BTAF1: variants seen among roughly 807,000 people sequenced by gnomAD.
BTAF1 encodes the protein TATA-binding protein-associated factor 172.
In BTAF1, 38 loss-of-function variants were observed where a neutral mutation model predicts 227.1. That is an observed-to-expected ratio of 0.17 (90% confidence interval 0.13 to 0.22). The LOEUF (loss-of-function observed/expected upper bound fraction) is 0.22. BTAF1 is among the 10% of genes least tolerant of loss of function. The pLI is 1.00. For synonymous variants in BTAF1, 742 were observed against 751.9 expected, an observed-to-expected ratio of 0.99 and a Z score of 0.21; for missense variants, 1,598 against 2,204.0, an observed-to-expected ratio of 0.73 and a Z score of 5.51.
In BTAF1 at chr10:92,024,925, A is replaced by G. The variant is rs1250914895; in HGVS notation, c.5033A>G (p.Asp1678Gly). 1 of 1,614,014 alleles carries G rather than the reference A, an allele frequency of 6.2e-7. No homozygotes were observed. Among genetic ancestry groups the G allele is most frequent in the African/African-American group, 1.3e-5 (1 of 74,990 alleles). Residue 1678 changes from aspartate to glycine, a missense_variant, in exon 35 of 38, where the codon GAT becomes GGT. Coordinates refer to ENST00000265990, the MANE Select transcript of BTAF1 (RefSeq NM_003972.3). ...CCCTCTGTCACTTATTTGAGATTAGATGGCAGCATACCTCCTGGTCAGAGG... is the reference window on the plus strand; with the variant it reads ...CCCTCTGTCACTTATTTGAGATTAGGTGGCAGCATACCTCCTGGTCAGAGG... ...HLPSVTYLRL[D>G]GSIPPGQRHS...
intron 1 of BTAF1, among the ~76,000 whole-genome samples, chr10:91,930,691 T>C (rs1285576306): frequency 9.2e-5 from 14 of 152,240 alleles, no homozygotes; most frequent in Admixed American, 9.2e-4. Context: ...TGTACTAAGT[T>C]CCACGTATTA....
chr10:91,946,350 ACT>A (rs1845364203), intron 4 of BTAF1, among the ~76,000 whole-genome samples: 1 of 152,120 alleles, frequency 6.6e-6, no homozygotes, highest in Non-Finnish European at 1.5e-5. Context: ...CAAGAGTGAA[ACT>A]CTGTCTAAAA....
At chr10:91,994,926 A>G (rs1388682678) in intron 23 of BTAF1, among the ~76,000 whole-genome samples, 1 of 152,192 alleles carries the variant, frequency 6.6e-6, no homozygotes, top group Non-Finnish European at 1.5e-5. Context: ...TAAATAGGAA[A>G]GAAAACTGCA....
intron 33 of BTAF1, among the ~76,000 whole-genome samples, chr10:92,017,828 TC>T (rs958352172): frequency 6.6e-6 from 1 of 152,136 alleles, no homozygotes; most frequent in African/African-American, 2.4e-5. Flanking sequence ...CAAGTTTTAA[TC>T]CTAGTGCTCA....
intron 32 of BTAF1, among the ~76,000 whole-genome samples, chr10:92,015,790 TC>T (rs1850677792): frequency 6.6e-6 from 1 of 152,172 alleles, no homozygotes; most frequent in Admixed American, 6.5e-5. Flanking sequence ...CTCTAGATTT[TC>T]TTTTCTTTCA....
intron 11 of BTAF1, among the ~76,000 whole-genome samples, chr10:91,962,024 C>T (rs1020591101): frequency 6.6e-5 from 10 of 151,924 alleles, no homozygotes; most frequent in Non-Finnish European, 1.3e-4. Context: ...GTACTTGATG[C>T]CCTTGTCTTT....
At chr10:92,006,956 C>T (rs1849937256) in intron 25 of BTAF1, among the ~76,000 whole-genome samples, 1 of 151,854 alleles carries the variant, frequency 6.6e-6, no homozygotes, top group Non-Finnish European at 1.5e-5. Context: ...ACAGAACATA[C>T]AGTTAGTACA....
In BTAF1 at chr10:92,016,472, A is replaced by G; in HGVS notation, c.4710+7A>G. 1.3e-6 allele frequency: 2 copies of G among 1,542,348 alleles called. No homozygotes were observed. Among genetic ancestry groups the G allele is most frequent in the Non-Finnish European group, 1.7e-6 (2 of 1,153,632 alleles). On this transcript the variant is annotated splice_region_variant and intron_variant, in intron 33 of 37. Coordinates refer to ENST00000265990, the MANE Select transcript of BTAF1 (RefSeq NM_003972.3). Reference sequence around the variant, plus strand: ...TACAGGCCACGTATTCCAGGTATAGATTACATTCTACTTTTTTTTTTTTTG... The same window carrying G: ...TACAGGCCACGTATTCCAGGTATAGGTTACATTCTACTTTTTTTTTTTTTG...
At chr10:91,994,027 A>T (rs988740017) in intron 22 of BTAF1, among the ~76,000 whole-genome samples, 180 bp downstream of exon 22, 3 of 152,196 alleles carry the variant, frequency 2.0e-5, no homozygotes, top group African/African-American at 7.2e-5. Flanking sequence ...TAAAAGAGAT[A>T]TTTGGGTTGG....
At chr10:91,977,253 C>T (rs1057422561) in intron 14 of BTAF1, among the ~76,000 whole-genome samples, 6 of 152,128 alleles carry the variant, frequency 3.9e-5, no homozygotes, top group Non-Finnish European at 8.8e-5. Context: ...TCTCCTTATT[C>T]TGAGTCTCCG....
At chr10:91,958,176 G>A (rs1210013247) in intron 8 of BTAF1, among the ~76,000 whole-genome samples, 1 of 152,054 alleles carries the variant, frequency 6.6e-6, no homozygotes, top group East Asian at 1.9e-4. Flanking sequence ...AGCCTCCTGA[G>A]TAGCTGGGAC....
At chr10:91,960,827 C>T (rs1269357502) in intron 11 of BTAF1, among the ~76,000 whole-genome samples, 1 of 151,994 alleles carries the variant, frequency 6.6e-6, no homozygotes, top group African/African-American at 2.4e-5. Context: ...CAGATAGTCC[C>T]CTACTCAGGA....
intron 25 of BTAF1, among the ~76,000 whole-genome samples, chr10:92,000,376 T>G (rs1849438112): frequency 6.6e-6 from 1 of 152,208 alleles, no homozygotes; most frequent in Admixed American, 6.5e-5. Context: ...TTTTTGTTTG[T>G]TTTTAAGGAA....
Position 92,016,378 on chromosome 10 carries a change from G to A in BTAF1, c.4623G>A (p.Lys1541=), listed in dbSNP as rs1850725319. 7 of 1,599,860 alleles carry A rather than the reference G, an allele frequency of 4.4e-6. No homozygotes were observed. The highest frequency in any genetic ancestry group is 1.3e-5 in the African/African-American group (1 of 74,284). ...LYEDFAKSRA[K]CDVDETVSSA... ...AAGATTTTGCTAAGTCTCGTGCCAA[G>A]TGTGATGTTGATGAAACAGTTTCTT... Residue 1541 remains lysine, a synonymous_variant, in exon 33 of 38, where the codon AAG becomes AAA. Coordinates refer to ENST00000265990, the MANE Select transcript of BTAF1 (RefSeq NM_003972.3).
At chr10:91,987,091 A>T (rs1354841686) in intron 19 of BTAF1, among the ~76,000 whole-genome samples, 1 of 146,134 alleles carries the variant, frequency 6.8e-6, no homozygotes, top group Non-Finnish European at 1.5e-5. Flanking sequence ...GTCACTTCAC[A>T]CTGAACACAA....
chr10:91,989,675 T>C (rs1306451997), intron 20 of BTAF1, 95 bp downstream of exon 20: 1 of 1,205,520 alleles, frequency 8.3e-7, no homozygotes, highest in East Asian at 2.5e-5. Flanking sequence ...ATCCAGTTCA[T>C]GTTAGTGTTT....
At chr10:91,950,061 A>T (rs1359125082) in intron 4 of BTAF1, among the ~76,000 whole-genome samples, 1 of 147,706 alleles carries the variant, frequency 6.8e-6, no homozygotes, top group Non-Finnish European at 1.5e-5. Context: ...AGGACTCCTT[A>T]AGTCCAGGAG....
chr10:91,948,699 TAAAAA>T (rs11331302), intron 4 of BTAF1, among the ~76,000 whole-genome samples: 1 of 142,872 alleles, frequency 7.0e-6, no homozygotes, highest in African/African-American at 2.6e-5. Context: ...TCTTTTTTAT[TAAAAA>T]AAAAAAAAAA....
chr10:91,978,112 C>T (rs1847812742), intron 14 of BTAF1, among the ~76,000 whole-genome samples: 1 of 152,172 alleles, frequency 6.6e-6, no homozygotes, highest in South Asian at 2.1e-4. Context: ...TCCACAATTA[C>T]AGTATCACAC....
Sources: allele counts gnomAD v4.1 joint callset (sites outside exome capture counted in the v4.1 genomes callset), GRCh38; gene constraint gnomAD v4.1.1; transcripts MANE v1.5; gene names NCBI Gene and HGNC (gene_info 2026-07-23, HGNC 2026-07-21).